The following CRB3 variants were observed in gnomAD, a reference collection of about 807,000 sequenced individuals.
The protein encoded by CRB3 is protein crumbs homolog 3.
Under a neutral mutation model 10.4 loss-of-function variants are expected in CRB3, and 4 were observed. That is an observed-to-expected ratio of 0.39 (90% CI 0.19 to 0.88). The LOEUF is 0.88. Ranked by LOEUF, CRB3 falls within the 40% of genes least tolerant of loss-of-function variation. The pLI is 0.39. For missense variants in CRB3, 154 were observed against 160.2 expected, an observed-to-expected ratio of 0.96 and a Z score of 0.21; for synonymous variants, 74 against 73.4, an observed-to-expected ratio of 1.01 and a Z score of -0.04.
At chr19:6,465,187 AG>A in intron 2 of CRB3, 2 of 303,796 alleles carry the variant, frequency 6.6e-6, no homozygotes, top group Non-Finnish European at 1.2e-5. Context: ...CCAGCCATTC[AG>A]TCTTAGATTT....
chr19:6,465,031 TG>T (rs1425677389), intron 2 of CRB3: 1 of 311,540 alleles, frequency 3.2e-6, no homozygotes, highest in African/African-American at 2.2e-5. Flanking sequence ...AATTGTGTGT[TG>T]GAGTGGGGGC....
rs967090970 is a variant in CRB3 at position 6,464,997 on chromosome 19, G to T, written c.82+214G>T. 7 of 387,544 alleles carry T rather than the reference G, an allele frequency of 1.8e-5. No homozygotes were observed. The highest frequency in any genetic ancestry group is 3.2e-5 in the Non-Finnish European group (7 of 219,876). 24.0% of individuals were successfully genotyped at this position (387,544 alleles called of 1,614,324 possible). On this transcript the variant is annotated intron_variant, in intron 2 of 3. Transcript: ENST00000600229. This position sits in a 1 kb window ranked among gnomAD's most constrained non-coding sequence, Gnocchi z 5.3. ...TTGGACACTGGGAGTTGGTCTAGGA[G>T]ACCTGAGTTCCCCAGCGAGGTGGAA...
rs1034182686 is a variant in CRB3 at position 6,464,873 on chromosome 19, G to T, written c.82+90G>T. ...GGCTTAGAAGCGCTGGGTATCTGGG[G>T]CGCAGAGAGGGTCAAGAATTGGGGA... On this transcript the variant is annotated intron_variant, in intron 2 of 3. Transcript: ENST00000600229. The surrounding 1 kb of genome is among the most constrained non-coding windows in gnomAD (Gnocchi z 5.3). 1 of 724,024 alleles carries T rather than the reference G, an allele frequency of 1.4e-6. No homozygotes were observed. Among genetic ancestry groups the T allele is most frequent in the East Asian group, 3.4e-5 (1 of 29,442 alleles). 44.8% of individuals were successfully genotyped at this position (724,024 alleles called of 1,614,324 possible).
intron 2 of CRB3, chr19:6,465,302 T>G (rs1599369820): frequency 3.9e-6 from 2 of 519,050 alleles, no homozygotes; most frequent in Non-Finnish European, 6.9e-6. Context: ...AGGGGAGGGG[T>G]GGACTTCTGG....
At position 6,464,488 on chromosome 19, in the gene CRB3, T is replaced by A. The variant is rs1237206205; in HGVS notation, c.-94-120T>A. 1 of 391,916 alleles carries A rather than the reference T, an allele frequency of 2.6e-6. No homozygotes were observed. Among genetic ancestry groups the A allele is most frequent in the Non-Finnish European group, 4.5e-6 (1 of 222,350 alleles). 24.3% of individuals were successfully genotyped at this position (391,916 alleles called of 1,614,324 possible). A position where few individuals can be genotyped will look rare whatever the true frequency, so the allele number is the denominator to read the frequency against. On this transcript the variant is annotated intron_variant, in intron 1 of 3. Coordinates refer to ENST00000600229, the MANE Select transcript of CRB3 (RefSeq NM_139161.5). The surrounding 1 kb of genome is among the most constrained non-coding windows in gnomAD (Gnocchi z 5.3). Reference sequence around the variant, plus strand: ...GAGTTAATCTTTAATCGCTGACCTCTGGCGGCTGGGGCGGGGCGGGACTCA... The same window carrying A: ...GAGTTAATCTTTAATCGCTGACCTCAGGCGGCTGGGGCGGGGCGGGACTCA...
At chr19:6,465,342 C>G (rs348360) in intron 2 of CRB3, 26,145 of 635,920 alleles carry the variant, frequency 0.041, 1,585 homozygotes, top group African/African-American at 0.22. Flanking sequence ...GGGACTGGGT[C>G]GGGGGGGTGT....
chr19:6,467,023 G>A lies in CRB3; in HGVS notation c.*351G>A, dbSNP rs371291773. ...GGTGCAGGGCTGCCTGCCCATCTAG[G>A]TCCCCTCTCCTGCATCTGTCTCCCT... is the stretch of plus-strand genomic sequence containing the variant. On this transcript the variant is annotated 3_prime_UTR_variant, in exon 4 of 4. Coordinates refer to ENST00000600229, the MANE Select transcript of CRB3 (RefSeq NM_139161.5). The A allele has an allele frequency of 3.7e-6, 6 of 1,613,550 alleles. No individual in the cohort carries two copies. The highest frequency in any genetic ancestry group is 2.2e-5 in the East Asian group (1 of 44,864).
upstream of CRB3, chr19:6,464,099 C>G (rs1461886658): frequency 6.6e-6 from 1 of 152,274 alleles, no homozygotes; most frequent in East Asian, 1.9e-4. This position sits in a 1 kb window ranked among gnomAD's most constrained non-coding sequence, Gnocchi z 5.3. Context: ...CCCCGCATCC[C>G]CATTAAGGGA....
rs769244816 is a variant in CRB3 at position 6,465,607 on chromosome 19, G to T, written c.145G>T (p.Asp49Tyr). The change falls in exon 3 of 4, where the codon GAT becomes TAT. Residue 49 changes from aspartate to tyrosine, a missense_variant. Transcript: ENST00000600229. ...GCCTTCATCCACCAGCTCCAGCTCC[G>T]ATGGCAACCTGGTGAGTTGGAGGTA... ...VLPSSTSSSS[D>Y]GNLRPEAITA... 11 of 1,613,508 alleles carry T rather than the reference G, an allele frequency of 6.8e-6. No individual in the cohort carries two copies. The highest frequency in any genetic ancestry group is 9.3e-6 in the Non-Finnish European group (11 of 1,179,562).
rs753815130 is a variant in CRB3, at chr19:6,466,501, C to T, written c.192C>T (p.Phe64=). 1.2e-6 allele frequency: 2 copies of T among 1,613,854 alleles called. No individual in the cohort carries two copies. The highest frequency in any genetic ancestry group is 1.7e-5 in the Admixed American group (1 of 60,032). ...PEAITAIIVV[F]SLLAALLLAV... is the part of the protein sequence containing the mutation. ...CCATCACTGCTATCATCGTGGTCTTCTCCCTCTTGGCTGCCTTGCTCCTGG... is the reference window on the plus strand; with the variant it reads ...CCATCACTGCTATCATCGTGGTCTTTTCCCTCTTGGCTGCCTTGCTCCTGG... The change falls in exon 4 of 4, where the codon TTC becomes TTT. Residue 64 remains phenylalanine (F), a synonymous_variant. Transcript: ENST00000600229. This position sits in a 1 kb window ranked among gnomAD's most constrained non-coding sequence, Gnocchi z 4.9.
At chr19:6,465,363 A>C (rs1279849958) in intron 2 of CRB3, among the ~76,000 whole-genome samples, 182 bp from the exon 3 acceptor site, 1 of 152,006 alleles carries the variant, frequency 6.6e-6, no homozygotes, top group Non-Finnish European at 1.5e-5. Context: ...CCTGGGGAGC[A>C]AACACCCAAG....
At position 6,466,195 on chromosome 19, in the gene CRB3, G is replaced by A. The variant is rs1274250210; in HGVS notation, c.157-271G>A. On this transcript the variant is annotated intron_variant, in intron 3 of 3. Coordinates refer to ENST00000600229, the MANE Select transcript of CRB3 (RefSeq NM_139161.5). This position sits in a 1 kb window ranked among gnomAD's most constrained non-coding sequence, Gnocchi z 4.9. ...CAGCCTGGGCAACAGAGCAAGACTC[G>A]GTCTCAAAAAAAAAAGCCGGAGTCC... 3.3e-5 allele frequency among the ~76,000 whole-genome samples: 5 copies of A among 151,598 alleles called. No homozygotes were observed. The highest frequency in any genetic ancestry group is 3.9e-4 in the East Asian group (2 of 5,170).
rs2145162791 is a variant in CRB3 at position 6,466,513 on chromosome 19, T to C, written c.204T>C (p.Ala68=). 1 of 1,613,802 alleles carries C rather than the reference T, an allele frequency of 6.2e-7. No homozygotes were observed. Among genetic ancestry groups the C allele is most frequent in the Non-Finnish European group, 8.5e-7 (1 of 1,180,002 alleles). Residue 68 remains alanine (A), a synonymous_variant, in exon 4 of 4, where the codon GCT becomes GCC. Coordinates refer to ENST00000600229, the MANE Select transcript of CRB3 (RefSeq NM_139161.5). The surrounding 1 kb of genome is among the most constrained non-coding windows in gnomAD (Gnocchi z 4.9). ...TAIIVVFSLL[A]ALLLAVGLAL... ...TCATCGTGGTCTTCTCCCTCTTGGC[T>C]GCCTTGCTCCTGGCTGTGGGGCTGG...
In CRB3 at chr19:6,467,074, GGC is replaced by G; in HGVS notation, c.*403_*404del. 6.5e-7 allele frequency: 1 copy of G among 1,540,222 alleles called. No individual in the cohort carries two copies. Among genetic ancestry groups the G allele is most frequent in the Non-Finnish European group, 9.0e-7 (1 of 1,115,422 alleles). On this transcript the variant is annotated 3_prime_UTR_variant, in exon 4 of 4. Transcript: ENST00000600229. Reference sequence around the variant, plus strand: ...TCATTGCTGTGTGACCTTGGGGAAAGGCAGTGCCCTCTCTGGGCAGTCAGATC... The same window carrying G: ...TCATTGCTGTGTGACCTTGGGGAAAGAGTGCCCTCTCTGGGCAGTCAGATC...
rs143835611 is a variant in CRB3 at position 6,466,470 on chromosome 19, C to T, written c.161C>T (p.Pro54Leu). ...TSSSSDGNLR[P>L]EAITAIIVVF... ...ACACCTGTCCCCTCTCTGCAGCGTC[C>T]AGAAGCCATCACTGCTATCATCGTG... Residue 54 changes from proline (P) to leucine (L), a missense_variant, in exon 4 of 4, where the codon CCA (proline) becomes CTA (leucine). Pro to Leu is a moderately conservative substitution (Grantham distance 98, BLOSUM62 -3). Transcript: ENST00000600229. The surrounding 1 kb of genome is among the most constrained non-coding windows in gnomAD (Gnocchi z 4.9). The T allele has an allele frequency of 2.2e-5, 35 of 1,613,414 alleles. No individual in the cohort carries two copies. The highest frequency in any genetic ancestry group is 2.1e-4 in the African/African-American group (16 of 74,902).
intron 2 of CRB3, chr19:6,465,016 G>T: frequency 2.6e-6 from 1 of 380,280 alleles, no homozygotes; most frequent in Non-Finnish European, 4.7e-6. Flanking sequence ...TCCCCAGCGA[G>T]GTGGAATTGT....
At chr19:6,464,200 G>A (rs2092784041), upstream of CRB3, 1 of 152,704 alleles carries the variant, frequency 6.5e-6, no homozygotes, top group Admixed American at 6.5e-5. This position sits in a 1 kb window ranked among gnomAD's most constrained non-coding sequence, Gnocchi z 5.3. Context: ...CAAGCCGGAA[G>A]TGCGCTCTCC....
chr19:6,465,059 G>A (rs144072972), intron 2 of CRB3: 5 of 345,446 alleles, frequency 1.4e-5, no homozygotes, highest in African/African-American at 2.1e-5. Context: ...GTAGGACTTG[G>A]GGGGAGGTAA....
At chr19:6,465,717 G>T in intron 3 of CRB3, 99 bp downstream of exon 3, 5 of 1,076,824 alleles carry the variant, frequency 4.6e-6, no homozygotes, top group Non-Finnish European at 5.8e-6. Flanking sequence ...TCCCCCCAGA[G>T]GTGGCAGGTC....
Sources: allele counts gnomAD v4.1 joint callset (sites outside exome capture counted in the v4.1 genomes callset), GRCh38; gene constraint gnomAD v4.1.1; non-coding constraint Gnocchi (gnomAD v3.1); transcripts MANE v1.5; gene names NCBI Gene and HGNC (gene_info 2026-07-23, HGNC 2026-07-21).